BEGAIN: variants seen among roughly 807,000 people sequenced by gnomAD.
BEGAIN encodes the protein brain enriched guanylate kinase associated.
Under a neutral mutation model 35.8 loss-of-function variants are expected in BEGAIN, and 19 were observed. That is an observed-to-expected ratio of 0.53 (90% confidence interval 0.37 to 0.78). The LOEUF (loss-of-function observed/expected upper bound fraction) is 0.78. Among genes scored for constraint, BEGAIN ranks in the 30% least tolerant of loss-of-function variants. BEGAIN has a pLI of 0.00. For missense variants in BEGAIN, 795 were observed against 853.6 expected, an observed-to-expected ratio of 0.93 and a Z score of 0.85; for synonymous variants, 462 against 388.6, an observed-to-expected ratio of 1.19 and a Z score of -2.22.
intron 5 of BEGAIN, among the ~76,000 whole-genome samples, chr14:100,542,794 G>A (rs2031821936): frequency 6.6e-6 from 1 of 152,196 alleles, no homozygotes; most frequent in African/African-American, 2.4e-5. Context: ...TCCTGCTCCT[G>A]TCCTCGTCCC....
intron 1 of BEGAIN, among the ~76,000 whole-genome samples, chr14:100,574,889 CT>C (rs1822349978): frequency 6.6e-6 from 1 of 152,224 alleles, no homozygotes; most frequent in Non-Finnish European, 1.5e-5. Flanking sequence ...GGCCATGCCC[CT>C]GGCCCTGTGC....
chr14:100,546,502 T>A lies in BEGAIN; in HGVS notation c.232A>T (p.Arg78Trp). The A allele has an allele frequency of 2.0e-6, 3 of 1,491,190 alleles. No individual in the cohort carries two copies. The highest frequency in any genetic ancestry group is 2.0e-5 in the Admixed American group (1 of 50,960). The allele number at this position is 1,491,190 out of a possible 1,614,324, so 92.4% of individuals were successfully genotyped here. A position where few individuals can be genotyped will look rare whatever the true frequency, so the allele number is the denominator to read the frequency against. Reference sequence around the variant, plus strand: ...CCCGGCCCTCGCCCCGCCCCTCACCTGCGCAGCTTCTCCGTGACCTTCTCC... The same window carrying A: ...CCCGGCCCTCGCCCCGCCCCTCACCAGCGCAGCTTCTCCGTGACCTTCTCC... ...ELEKVTEKLR[R>W]IQSNYMALQR... is the part of the protein sequence containing the mutation. Residue 78 changes from arginine (R) to tryptophan (W), a missense_variant and splice_region_variant, in exon 3 of 7, where the codon AGG (arginine) becomes TGG (tryptophan). Physicochemically the swap from Arg to Trp is moderately radical, Grantham distance 101. Around this residue, in one of 3 missense-constraint regions of BEGAIN, gnomAD observed 73 missense variants for 143.2 expected, o/e 0.51. Transcript: ENST00000554140.
At chr14:100,577,819 T>C (rs562918892) in intron 1 of BEGAIN, 2 of 399,326 alleles carry the variant, frequency 5.0e-6, no homozygotes, top group South Asian at 1.3e-4. Context: ...GCTTGGCATG[T>C]GGCTTCGAAG....
chr14:100,545,375 G>A lies in BEGAIN; in HGVS notation c.234-309C>T, dbSNP rs191562741. The stretch of plus-strand genomic sequence containing the variant: ...AGACTCTGTCCCATCCACACGCGGA[G>A]CCAGTTTACTCACATTTGACCCACA... On this transcript the variant is annotated intron_variant, in intron 3 of 6. Transcript: ENST00000554140. The A allele has an allele frequency of 5.0e-6, 6 of 1,207,666 alleles. No homozygotes were observed. In the East Asian group the frequency reaches 1.7e-4, roughly 35 times the overall value. The allele number at this position is 1,207,666 out of a possible 1,614,324, so 74.8% of individuals were successfully genotyped here. A position where few individuals can be genotyped will look rare whatever the true frequency, so the allele number is the denominator to read the frequency against.
intron 1 of BEGAIN, among the ~76,000 whole-genome samples, chr14:100,570,625 G>A (rs2035050073): frequency 6.6e-6 from 1 of 152,232 alleles, no homozygotes; most frequent in Non-Finnish European, 1.5e-5. Context: ...ACTAAAAGAT[G>A]GGTTGTGCCT....
intron 2 of BEGAIN, chr14:100,546,938 A>G: frequency 3.1e-6 from 1 of 322,496 alleles, no homozygotes; most frequent in South Asian, 9.5e-5. Flanking sequence ...CACACAGGTA[A>G]ATCCCAGGTG....
intron 1 of BEGAIN, among the ~76,000 whole-genome samples, chr14:100,570,487 A>G (rs4076891): frequency 0.54 from 81,986 of 152,214 alleles, 24,189 homozygotes; most frequent in African/African-American, 0.78. Flanking sequence ...TGGAGGCTGT[A>G]TCCTCCATGC....
At chr14:100,562,571 C>T (rs1317622813) in intron 2 of BEGAIN, among the ~76,000 whole-genome samples, 2 of 151,822 alleles carry the variant, frequency 1.3e-5, no homozygotes, top group Non-Finnish European at 2.9e-5. Context: ...CCATGTCACC[C>T]CCATCAGCAG....
chr14:100,553,600 CT>C (rs2033416338), intron 2 of BEGAIN, among the ~76,000 whole-genome samples: 1 of 152,178 alleles, frequency 6.6e-6, no homozygotes, highest in Admixed American at 6.5e-5. Context: ...GTCCTCTCCC[CT>C]GGACATGTCC....
chr14:100,550,091 A>G (rs900640950), intron 2 of BEGAIN, among the ~76,000 whole-genome samples: 2 of 151,994 alleles, frequency 1.3e-5, no homozygotes, highest in African/African-American at 4.8e-5. Context: ...TGCGCACGTG[A>G]TTCTTGGCTC....
chr14:100,544,982 G>A lies in BEGAIN; in HGVS notation c.300+18C>T, dbSNP rs79064001. On this transcript the variant is annotated intron_variant, in intron 4 of 6. Coordinates refer to ENST00000554140, the MANE Select transcript of BEGAIN (RefSeq NM_001385089.1). ...GGAGGTGTGGGGTGGGGGAGTGGGC[G>A]CTGCGTGGCGGCCTCACCATGCGGT... The A allele has an allele frequency of 2.0e-3, 3,174 of 1,608,980 alleles. 54 individuals carry two copies. In the African/African-American group the frequency reaches 0.037, roughly 19 times the overall value.
At chr14:100,553,706 CT>C (rs1276351605) in intron 2 of BEGAIN, among the ~76,000 whole-genome samples, 2 of 152,178 alleles carry the variant, frequency 1.3e-5, no homozygotes, top group Non-Finnish European at 2.9e-5. Context: ...TCGGTTCCCC[CT>C]GCTGAAGGTC....
At chr14:100,582,755 T>C (rs1469311544) in intron 1 of BEGAIN, among the ~76,000 whole-genome samples, 2 of 152,070 alleles carry the variant, frequency 1.3e-5, no homozygotes, top group African/African-American at 2.4e-5. Context: ...TTCTTCCTTA[T>C]TTCCTGAGTG....
chr14:100,571,460 T>G lies in BEGAIN; in HGVS notation c.43-3521A>C, dbSNP rs1008394120. 8.8e-4 allele frequency among the ~76,000 whole-genome samples: 134 copies of G among 152,316 alleles called. 1 individual carries two copies. Among genetic ancestry groups the G allele is most frequent in the African/African-American group, 3.0e-3 (123 of 41,572 alleles). ...TTCCTCTGCTGCTGTGTCCCCAGGGTGGCCTTGGGCCCGGTCACAGAAATC... is the reference window on the plus strand; with the variant it reads ...TTCCTCTGCTGCTGTGTCCCCAGGGGGGCCTTGGGCCCGGTCACAGAAATC... On this transcript the variant is annotated intron_variant, in intron 1 of 6. Transcript: ENST00000554140.
intron 2 of BEGAIN, among the ~76,000 whole-genome samples, chr14:100,553,009 AG>A (rs1725112777): frequency 6.6e-6 from 1 of 152,142 alleles, no homozygotes; most frequent in Non-Finnish European, 1.5e-5. Context: ...TGACTCCAGG[AG>A]GCCTGGAGCC....
chr14:100,543,849 G>A lies in BEGAIN; in HGVS notation c.408+9C>T, dbSNP rs766270735. 1.9e-6 allele frequency: 3 copies of A among 1,607,914 alleles called. No individual in the cohort carries two copies. The highest frequency in any genetic ancestry group is 1.1e-5 in the South Asian group (1 of 90,376). ...AGTCTTCCATGGGCCAAGTGTGTGC[G>A]GCACTCACGTTGTCCTCTGACAGCT... On this transcript the variant is annotated intron_variant, in intron 5 of 6. Transcript: ENST00000554140.
rs1239982358 is a variant in BEGAIN, at chr14:100,539,102, C to A, written c.706G>T (p.Gly236Cys). The part of the protein sequence containing the change: ...LAFCDGVEKP[G>C]PRPPYKGDIY... ...TCTCCCTTGTAGGGGGGCCGCGGGC[C>A]TGGTTTCTCCACCCCGTCGCAGAAG... is the stretch of plus-strand genomic sequence containing the variant. The change falls in exon 7 of 7, where the codon GGC (glycine) becomes TGC (cysteine). Residue 236 changes from glycine to cysteine, a missense_variant. By Grantham distance (159) the Gly-to-Cys change is radical. Around this residue, in one of 3 missense-constraint regions of BEGAIN, gnomAD observed 664 missense variants for 647.7 expected, o/e 1.03. Transcript: ENST00000554140. 6.2e-7 allele frequency: 1 copy of A among 1,609,836 alleles called. No individual in the cohort carries two copies. The highest frequency in any genetic ancestry group is 1.1e-5 in the South Asian group (1 of 90,886).
Position 100,559,799 on chromosome 14 carries a change from C to G in BEGAIN, c.71+8112G>C, listed in dbSNP as rs144398097. Among the ~76,000 whole-genome samples the G allele has an allele frequency of 1.1e-4, 16 of 152,350 alleles. No individual in the cohort carries two copies. The East Asian group carries it at 2.9e-3, about 28-fold the overall frequency. The stretch of plus-strand genomic sequence containing the variant: ...GGCTGGTCCCACTCCACGTTCACCT[C>G]TGCATAGATGCGCACACAGACACTC... On this transcript the variant is annotated intron_variant, in intron 2 of 6. Coordinates refer to ENST00000554140, the MANE Select transcript of BEGAIN (RefSeq NM_001385089.1).
intron 6 of BEGAIN, among the ~76,000 whole-genome samples, chr14:100,539,552 C>T (rs2140435550): frequency 6.6e-6 from 1 of 152,276 alleles, no homozygotes; most frequent in East Asian, 1.9e-4. Context: ...GTCACCTCTC[C>T]CCACCCCACT....
Sources: gnomAD v4.1 joint callset for allele counts (sites outside exome capture counted in the v4.1 genomes callset) on GRCh38, gnomAD v4.1.1 for gene constraint, gnomAD v4.1.1 regional missense constraint, MANE v1.5 for transcripts, NCBI Gene and HGNC (gene_info 2026-07-23, HGNC 2026-07-21) for gene names.